IPPK: variants seen among roughly 807,000 people sequenced by gnomAD.
IPPK encodes the protein inositol-pentakisphosphate 2-kinase.
In IPPK, 22 loss-of-function variants were observed where a neutral mutation model predicts 64.6. The ratio of observed to expected loss-of-function variants is 0.34; its 90% CI spans 0.24 to 0.49. IPPK has a LOEUF of 0.49. IPPK is among the 20% of genes least tolerant of loss of function. The pLI is 0.99. For synonymous variants in IPPK, 262 were observed against 247.2 expected (o/e 1.06, Z -0.56); for missense variants, 532 against 630.7 (o/e 0.84, Z 1.68).
chr9:92,613,215 A>C lies in IPPK; in HGVS notation c.*2617T>G. ...AGGAACATGCAATTTTATTCAATATAAACATTTGCTATTTTCTGCTTAGAA... is the reference window on the plus strand; with the variant it reads ...AGGAACATGCAATTTTATTCAATATCAACATTTGCTATTTTCTGCTTAGAA... On this transcript the variant is annotated 3_prime_UTR_variant, in exon 13 of 13. Transcript: ENST00000287996. 4 of 1,598,676 alleles carry C rather than the reference A, an allele frequency of 2.5e-6. No homozygotes were observed. The highest frequency in any genetic ancestry group is 3.4e-6 in the Non-Finnish European group (4 of 1,167,044).
At chr9:92,650,704 G>A (rs112901306) in intron 4 of IPPK, among the ~76,000 whole-genome samples, 11 of 152,244 alleles carry the variant, frequency 7.2e-5, no homozygotes, top group African/African-American at 1.7e-4. Context: ...TCCTTCTAGC[G>A]TATTATCAAT....
rs1309091177 is a variant in IPPK at position 92,613,482 on chromosome 9, ATGG to A, written c.*2347_*2349del. The A allele has an allele frequency of 1.1e-5, 3 of 284,038 alleles. No individual in the cohort carries two copies. The South Asian group carries it at 1.1e-4, about 10-fold the overall frequency. The allele number at this position is 284,038 out of a possible 1,614,324, so 17.6% of individuals were successfully genotyped here. Reference sequence around the variant, plus strand: ...GCCTCACACCGAGTCCACCTTGGACATGGTGGCCACATTACTCAGCTGGGAGAA... The same window carrying A: ...GCCTCACACCGAGTCCACCTTGGACATGGCCACATTACTCAGCTGGGAGAA... On this transcript the variant is annotated 3_prime_UTR_variant, in exon 13 of 13. Coordinates refer to ENST00000287996, the MANE Select transcript of IPPK (RefSeq NM_022755.6).
chr9:92,634,235 G>C (rs1851896382), intron 11 of IPPK, 151 bp downstream of exon 11: 1 of 615,854 alleles, frequency 1.6e-6, no homozygotes, highest in East Asian at 2.8e-5. Flanking sequence ...AGTTCATCTG[G>C]GAGAAACTTC....
At position 92,638,211 on chromosome 9, in the gene IPPK, G is replaced by A; in HGVS notation, c.706C>T (p.His236Tyr). Residue 236 changes from histidine to tyrosine, a missense_variant, in exon 9 of 13, where the codon CAC becomes TAC. Transcript: ENST00000287996. ...PVADWSELAH[H>Y]LKPFFFPSNG... ...GAAGGGAAGAAGAACGGCTTCAGGT[G>A]GTGTGCAAGCTCGCTCCAGTCAGCC... 3 of 1,614,216 alleles carry A rather than the reference G, an allele frequency of 1.9e-6. No homozygotes were observed. Among genetic ancestry groups the A allele is most frequent in the Non-Finnish European group, 2.5e-6 (3 of 1,180,036 alleles).
At chr9:92,661,330 AGAG>A (rs1852479438) in intron 1 of IPPK, among the ~76,000 whole-genome samples, 1 of 152,344 alleles carries the variant, frequency 6.6e-6, no homozygotes, top group Admixed American at 6.5e-5. Context: ...AGCCAAGTTT[AGAG>A]GAGGGCCTGG....
chr9:92,660,016 A>G (rs567455464), intron 1 of IPPK, among the ~76,000 whole-genome samples: 2 of 151,996 alleles, frequency 1.3e-5, no homozygotes, highest in African/African-American at 4.8e-5. Flanking sequence ...ACAATCAATC[A>G]TGGGAATCGA....
chr9:92,631,006 T>C (rs1851830735), intron 11 of IPPK, among the ~76,000 whole-genome samples: 1 of 152,160 alleles, frequency 6.6e-6, no homozygotes, highest in South Asian at 2.1e-4. Context: ...GTTTTCTCCA[T>C]GGCTCCTTTT....
intron 11 of IPPK, among the ~76,000 whole-genome samples, chr9:92,625,936 C>A (rs1369568776): frequency 1.3e-5 from 2 of 151,306 alleles, no homozygotes; most frequent in African/African-American, 4.9e-5. Flanking sequence ...TTTTTTTTAA[C>A]CACCAAGGTT....
chr9:92,640,902 A>G, intron 7 of IPPK, 120 bp from the exon 8 acceptor site: 1 of 742,054 alleles, frequency 1.3e-6, no homozygotes, highest in Admixed American at 1.9e-5. Context: ...TGGGAAACCC[A>G]GAGTCCAACT....
chr9:92,636,830 C>T (rs528301251), intron 9 of IPPK, among the ~76,000 whole-genome samples: 1 of 152,256 alleles, frequency 6.6e-6, no homozygotes, highest in African/African-American at 2.4e-5. Context: ...AAAAGGTCTG[C>T]AGGAGCCCCG....
In IPPK at chr9:92,638,005, G is replaced by A; in HGVS notation, c.912C>T (p.Cys304=). 1 of 1,566,250 alleles carries A rather than the reference G, an allele frequency of 6.4e-7. No homozygotes were observed. Among genetic ancestry groups the A allele is most frequent in the Non-Finnish European group, 8.7e-7 (1 of 1,154,772 alleles). ...CTGGGGAAGGCTGGGCCCTACCTTG[G>A]CAGCGAAGGCTCCTACTGAAAGGGC... ...EASPFSRSLR[C]QGKNTPERSG... is the part of the protein sequence containing the mutation. The change falls in exon 9 of 13, where the codon TGC becomes TGT. Residue 304 remains cysteine (C), a synonymous_variant. Transcript: ENST00000287996.
At chr9:92,645,758 A>C (rs545468609) in intron 6 of IPPK, among the ~76,000 whole-genome samples, 1 of 152,248 alleles carries the variant, frequency 6.6e-6, no homozygotes, top group Admixed American at 6.5e-5. Flanking sequence ...TTCTATATCT[A>C]CCAAGACTAT....
intron 11 of IPPK, among the ~76,000 whole-genome samples, chr9:92,630,826 A>AC (rs2131428762): frequency 6.6e-6 from 1 of 152,320 alleles, no homozygotes; most frequent in South Asian, 2.1e-4. Context: ...ATTGGACAAG[A>AC]CACCACAAAA....
At chr9:92,619,853 C>T (rs1291182308) in intron 11 of IPPK, 3 of 457,056 alleles carry the variant, frequency 6.6e-6, no homozygotes, top group Middle Eastern at 6.0e-4. Context: ...GATGATCTGT[C>T]TTCAGCAAGG....
intron 11 of IPPK, among the ~76,000 whole-genome samples, chr9:92,630,609 GTGA>G (rs1460713374): frequency 6.6e-6 from 1 of 152,018 alleles, no homozygotes; most frequent in Non-Finnish European, 1.5e-5. Flanking sequence ...ATGTTAGGCA[GTGA>G]TATGGAAAAA....
In IPPK at chr9:92,619,516, A is replaced by G; in HGVS notation, c.1220T>C (p.Ile407Thr). The G allele has an allele frequency of 1.9e-6, 3 of 1,593,494 alleles. No individual in the cohort carries two copies. Among genetic ancestry groups the G allele is most frequent in the South Asian group, 1.1e-5 (1 of 86,984 alleles). Residue 407 changes from isoleucine to threonine, a missense_variant, in exon 12 of 13, where the codon ATT (isoleucine) becomes ACT (threonine). Coordinates refer to ENST00000287996, the MANE Select transcript of IPPK (RefSeq NM_022755.6). Reference protein sequence around the residue: ...AMTAKDCSIMIALSPCLQDAS... With the variant: ...AMTAKDCSIMTALSPCLQDAS... ...ATCCTGCAGACAGGGAGACAGTGCA[A>G]TCATGATGGAGCAGTCCTTGGCAGT...
At chr9:92,648,583 G>A (rs1248670512) in intron 5 of IPPK, among the ~76,000 whole-genome samples, 1 of 152,212 alleles carries the variant, frequency 6.6e-6, no homozygotes, top group Non-Finnish European at 1.5e-5. Flanking sequence ...GGTCAAGGAA[G>A]CCCCAGTGCC....
intron 9 of IPPK, among the ~76,000 whole-genome samples, chr9:92,637,058 T>C (rs1247048537): frequency 6.6e-6 from 1 of 152,020 alleles, no homozygotes; most frequent in African/African-American, 2.4e-5. Context: ...TGGTGGCTCA[T>C]GCCTGTAATC....
intron 11 of IPPK, among the ~76,000 whole-genome samples, chr9:92,622,299 C>T (rs546601203): frequency 6.1e-4 from 93 of 152,024 alleles, no homozygotes; most frequent in African/African-American, 2.1e-3. Flanking sequence ...AAATTAACTA[C>T]ATAAAGTGAA....
Sources: gnomAD v4.1 joint callset for allele counts (sites outside exome capture counted in the v4.1 genomes callset) on GRCh38, gnomAD v4.1.1 for gene constraint, MANE v1.5 for transcripts, NCBI Gene and HGNC (gene_info 2026-07-23, HGNC 2026-07-21) for gene names.